NRXN1: variants seen among roughly 807,000 people sequenced by gnomAD.
NRXN1 encodes the protein neurexin-1.
Under a neutral mutation model 150.9 loss-of-function variants are expected in NRXN1, and 39 were observed. That is an observed-to-expected ratio of 0.26 (90% CI 0.20 to 0.34). The LOEUF is 0.34. Among genes scored for constraint, NRXN1 ranks in the 10% least tolerant of loss-of-function variants. The pLI is 1.00. For missense variants in NRXN1, 1,815 were observed against 1,949.9 expected, an observed-to-expected ratio of 0.93 and a Z score of 1.30; for synonymous variants, 924 against 757.0, an observed-to-expected ratio of 1.22 and a Z score of -3.62.
intron 2 of NRXN1, among the ~76,000 whole-genome samples, chr2:50,959,448 C>T (rs1692794345): frequency 6.6e-6 from 1 of 151,900 alleles, no homozygotes; most frequent in Non-Finnish European, 1.5e-5. Flanking sequence ...AGTACTAATA[C>T]ATATTACAAT....
chr2:50,974,903 T>C (rs777133050), intron 2 of NRXN1, among the ~76,000 whole-genome samples: 5 of 152,104 alleles, frequency 3.3e-5, no homozygotes, highest in African/African-American at 1.2e-4. Context: ...GTATTTTCCA[T>C]TCCCTTCCAT....
At chr2:50,051,465 A>G (rs1692695166) in intron 21 of NRXN1, among the ~76,000 whole-genome samples, 1 of 152,100 alleles carries the variant, frequency 6.6e-6, no homozygotes, top group Admixed American at 6.6e-5. Flanking sequence ...ATTATTTTAG[A>G]TAAAGGAAAG....
At chr2:50,494,142 G>T (rs994281021) in intron 15 of NRXN1, among the ~76,000 whole-genome samples, 1 of 152,200 alleles carries the variant, frequency 6.6e-6, no homozygotes, top group African/African-American at 2.4e-5. Context: ...ACTATCTGAA[G>T]AAATACAATC....
intron 5 of NRXN1, among the ~76,000 whole-genome samples, chr2:50,696,973 G>C (rs754025458): frequency 6.6e-6 from 1 of 151,980 alleles, no homozygotes; most frequent in Non-Finnish European, 1.5e-5. Context: ...TTTCCAAATT[G>C]TTGCTTTTGT....
At chr2:50,486,731 A>G (rs1028268475) in intron 15 of NRXN1, among the ~76,000 whole-genome samples, 9 of 152,152 alleles carry the variant, frequency 5.9e-5, no homozygotes, top group Admixed American at 3.9e-4. Flanking sequence ...GATAACTAAC[A>G]TCATACTAGT....
At chr2:50,971,644 ATACT>A (rs1558512703) in intron 2 of NRXN1, among the ~76,000 whole-genome samples, 1 of 152,018 alleles carries the variant, frequency 6.6e-6, no homozygotes. Flanking sequence ...ATTTCAGGAA[ATACT>A]TAAGTTTTCC....
intron 5 of NRXN1, among the ~76,000 whole-genome samples, chr2:50,829,941 T>C (rs1435865892): frequency 7.0e-6 from 1 of 143,726 alleles, no homozygotes; most frequent in East Asian, 2.1e-4. Context: ...CAATGTGAGT[T>C]CTGTTCTACT....
At chr2:50,580,755 C>T (rs111364288) in intron 8 of NRXN1, among the ~76,000 whole-genome samples, 2,098 of 152,240 alleles carry the variant, frequency 0.014, 21 homozygotes, top group Non-Finnish European at 0.022. Flanking sequence ...GTATTGTTCT[C>T]TCTCCACTGC....
At chr2:50,193,411 T>C (rs1464256125) in intron 18 of NRXN1, among the ~76,000 whole-genome samples, 1 of 152,204 alleles carries the variant, frequency 6.6e-6, no homozygotes, top group Non-Finnish European at 1.5e-5. Context: ...ACAAAGCTGC[T>C]GTGTTATCAT....
intron 5 of NRXN1, among the ~76,000 whole-genome samples, chr2:50,793,033 G>C (rs1400806635): frequency 6.6e-6 from 1 of 151,978 alleles, no homozygotes; most frequent in African/African-American, 2.4e-5. Context: ...GGAAGGAAGG[G>C]AAATTAAATA....
chr2:50,199,432 ATG>A (rs1174556466), intron 18 of NRXN1: 1 of 152,070 alleles, frequency 6.6e-6, no homozygotes, highest in East Asian at 1.9e-4. Context: ...GCTTTTAAGA[ATG>A]TAAAAGGATT....
intron 18 of NRXN1, among the ~76,000 whole-genome samples, chr2:50,209,084 C>T (rs929925788): frequency 3.9e-5 from 6 of 152,010 alleles, no homozygotes; most frequent in Admixed American, 3.9e-4. Context: ...TTAAAAAGGA[C>T]CAAGAACACA....
intron 2 of NRXN1, among the ~76,000 whole-genome samples, chr2:51,020,426 C>T (rs900465756): frequency 6.6e-6 from 1 of 151,944 alleles, no homozygotes; most frequent in Non-Finnish European, 1.5e-5. Flanking sequence ...GAGAACTCTA[C>T]CAAATCTGAT....
At chr2:50,712,586 G>A (rs1450477281) in intron 5 of NRXN1, among the ~76,000 whole-genome samples, 3 of 151,840 alleles carry the variant, frequency 2.0e-5, no homozygotes, top group African/African-American at 7.3e-5. Context: ...TTCTTCTAAC[G>A]GCACTAATAG....
intron 5 of NRXN1, among the ~76,000 whole-genome samples, chr2:50,850,239 A>G (rs974665915): frequency 3.9e-5 from 6 of 152,016 alleles, no homozygotes; most frequent in Non-Finnish European, 8.8e-5. Context: ...CAGAAAAAAA[A>G]AAAAAAAAAA....
At chr2:50,251,230 G>A (rs943906006) in intron 17 of NRXN1, among the ~76,000 whole-genome samples, 6 of 151,976 alleles carry the variant, frequency 3.9e-5, no homozygotes, top group South Asian at 2.1e-4. Context: ...CCCTTCCTGT[G>A]TCCATGTGTT....
intron 17 of NRXN1, among the ~76,000 whole-genome samples, chr2:50,365,647 T>C (rs1299464766): frequency 6.6e-6 from 1 of 152,060 alleles, no homozygotes; most frequent in East Asian, 1.9e-4. Context: ...TCCATCACAC[T>C]GTTGACAGAT....
At chr2:50,334,211 A>G (rs2077034971) in intron 17 of NRXN1, among the ~76,000 whole-genome samples, 1 of 144,966 alleles carries the variant, frequency 6.9e-6, no homozygotes, top group Non-Finnish European at 1.5e-5. Context: ...ATATATATAT[A>G]TGTATGTAGA....
intron 8 of NRXN1, among the ~76,000 whole-genome samples, chr2:50,554,748 T>G (rs1401421462): frequency 1.3e-5 from 2 of 152,330 alleles, no homozygotes; most frequent in Non-Finnish European, 2.9e-5. Context: ...TATACATGAT[T>G]TGTGCCAACT....
Sources: gnomAD v4.1 joint callset for allele counts (sites outside exome capture counted in the v4.1 genomes callset) on GRCh38, gnomAD v4.1.1 for gene constraint, MANE v1.5 for transcripts, NCBI Gene and HGNC (gene_info 2026-07-23, HGNC 2026-07-21) for gene names.